SNX16: variants seen among roughly 807,000 people sequenced by gnomAD.
SNX16 encodes sorting nexin 16.
A neutral mutation model predicts 36.7 loss-of-function variants in SNX16; 35 were observed. The observed-to-expected ratio is 0.95, with a 90% CI of 0.73 to 1.27. The LOEUF (loss-of-function observed/expected upper bound fraction) is 1.27, where lower values mean the gene tolerates loss of function less well. SNX16 is among the 50% of genes most tolerant of loss of function. The pLI is 0.00. For synonymous variants in SNX16, 134 were observed against 132.0 expected (o/e 1.02, Z -0.10); for missense variants, 367 against 393.6 (o/e 0.93, Z 0.57).
chr8:81,836,606 A>G (rs1323923935), intron 2 of SNX16, among the ~76,000 whole-genome samples: 1 of 152,162 alleles, frequency 6.6e-6, no homozygotes, highest in Non-Finnish European at 1.5e-5. Flanking sequence ...ATCATTAGGA[A>G]ATATTGCCGG....
intron 4 of SNX16, among the ~76,000 whole-genome samples, chr8:81,823,276 T>C (rs1452476117): frequency 6.6e-6 from 1 of 151,938 alleles, no homozygotes; most frequent in Non-Finnish European, 1.5e-5. Context: ...AGCAATTTTC[T>C]TGTAAATATA....
intron 5 of SNX16, chr8:81,807,811 A>G: frequency 1.3e-6 from 1 of 749,150 alleles, no homozygotes. Flanking sequence ...CAAACAGCTG[A>G]GGAAGCTTTT....
At chr8:81,826,512 C>A (rs180853653) in intron 3 of SNX16, among the ~76,000 whole-genome samples, 1 of 152,050 alleles carries the variant, frequency 6.6e-6, no homozygotes, top group Admixed American at 6.6e-5. Context: ...GAAAAAAACT[C>A]ACTTCTCATG....
chr8:81,806,714 G>C (rs1809966827), intron 5 of SNX16, among the ~76,000 whole-genome samples: 1 of 151,838 alleles, frequency 6.6e-6, no homozygotes, highest in African/African-American at 2.4e-5. Flanking sequence ...AAGATATTAC[G>C]TATTAGGAAA....
chr8:81,809,180 C>T (rs767863736), intron 5 of SNX16, among the ~76,000 whole-genome samples: 1 of 152,124 alleles, frequency 6.6e-6, no homozygotes, highest in Non-Finnish European at 1.5e-5. Context: ...AATTTACATA[C>T]AACCTGCTTG....
chr8:81,804,638 AAAAT>A (rs1263496753), intron 5 of SNX16, among the ~76,000 whole-genome samples: 1 of 152,058 alleles, frequency 6.6e-6, no homozygotes, highest in African/African-American at 2.4e-5. Context: ...TACCATATAT[AAAAT>A]AAACTCAAAA....
Position 81,828,029 on chromosome 8 carries a change from G to A in SNX16, c.462+1401C>T, listed in dbSNP as rs550624008. On this transcript the variant is annotated intron_variant, in intron 3 of 7. Coordinates refer to ENST00000345957, the MANE Select transcript of SNX16 (RefSeq NM_152836.3). Reference sequence around the variant, plus strand: ...CCATCTAAATTTCCTCTAGCTCTGGGGACAAGGCAGCTCTTCTTTTGCTAT... The same window carrying A: ...CCATCTAAATTTCCTCTAGCTCTGGAGACAAGGCAGCTCTTCTTTTGCTAT... Among the ~76,000 whole-genome samples, 19 of 152,054 alleles carry A rather than the reference G, an allele frequency of 1.2e-4. No individual in the cohort carries two copies. The East Asian group carries it at 3.3e-3, about 26-fold the overall frequency.
chr8:81,809,425 C>A, intron 5 of SNX16, among the ~76,000 whole-genome samples: 1 of 145,430 alleles, frequency 6.9e-6, no homozygotes, highest in South Asian at 2.3e-4. Context: ...AATCAATAAA[C>A]AATTTAATTC....
At chr8:81,828,247 A>G (rs1170051456) in intron 3 of SNX16, among the ~76,000 whole-genome samples, 1 of 152,152 alleles carries the variant, frequency 6.6e-6, no homozygotes, top group Non-Finnish European at 1.5e-5. Context: ...AAATGTGATT[A>G]TTATGTTAAA....
rs1810071573 is a variant in SNX16 at position 81,808,463 on chromosome 8, C to CT, written c.682-5236dup. 1.1e-5 allele frequency: 11 copies of CT among 1,033,762 alleles called. 1 individual carries two copies. In the East Asian group the frequency reaches 2.6e-4, roughly 24 times the overall value. The allele number at this position is 1,033,762 out of a possible 1,614,324, so 64.0% of individuals were successfully genotyped here. A position where few individuals can be genotyped will look rare whatever the true frequency, so the allele number is the denominator to read the frequency against. ...GGGGTCATGGTGGCTTTGCTGACAG[C>CT]TGTGGTGGTGGGGGATATGGTGGCA... On this transcript the variant is annotated intron_variant, in intron 5 of 7. Transcript: ENST00000345957.
intron 2 of SNX16, among the ~76,000 whole-genome samples, chr8:81,829,719 T>C (rs1036117086): frequency 1.3e-5 from 2 of 152,076 alleles, no homozygotes; most frequent in Non-Finnish European, 2.9e-5. Flanking sequence ...CCTTAGGAAA[T>C]ATAACAGATT....
chr8:81,817,901 T>C (rs1395893637), intron 4 of SNX16, among the ~76,000 whole-genome samples: 1 of 152,162 alleles, frequency 6.6e-6, no homozygotes, highest in Admixed American at 6.5e-5. Context: ...CCTTTTATTA[T>C]CTGGAATACA....
At chr8:81,807,893 C>T (rs1364183547) in intron 5 of SNX16, 16 of 766,400 alleles carry the variant, frequency 2.1e-5, no homozygotes, top group South Asian at 4.0e-5. Context: ...GGAACCCTCA[C>T]GAACTGTGCG....
chr8:81,801,451 T>A lies in SNX16; in HGVS notation c.*46A>T, dbSNP rs1190447384. ...CTTTTAAAATAGTATTTGCCACTCT[T>A]CTAAATTTTTGAATAGTCTAAATGG... On this transcript the variant is annotated 3_prime_UTR_variant, in exon 8 of 8. Transcript: ENST00000345957. The A allele has an allele frequency of 2.6e-6, 3 of 1,146,778 alleles. No individual in the cohort carries two copies. Among genetic ancestry groups the A allele is most frequent in the Non-Finnish European group, 3.8e-6 (3 of 798,704 alleles). 71.0% of individuals were successfully genotyped at this position (1,146,778 alleles called of 1,614,324 possible).
rs773474174 is a variant in SNX16, at chr8:81,815,310, T to C, written c.681+15A>G. 1.2e-6 allele frequency: 2 copies of C among 1,602,106 alleles called. No individual in the cohort carries two copies. The highest frequency in any genetic ancestry group is 1.7e-6 in the Non-Finnish European group (2 of 1,170,886). On this transcript the variant is annotated intron_variant, in intron 5 of 7. Coordinates refer to ENST00000345957, the MANE Select transcript of SNX16 (RefSeq NM_152836.3). ...ATTGTTCCTCTTTTCATGTGCTATA[T>C]AATACAGCACTTACCCTGCTTTCTT...
intron 4 of SNX16, among the ~76,000 whole-genome samples, chr8:81,822,947 CATAT>C (rs949455303): frequency 1.5e-3 from 81 of 52,308 alleles, no homozygotes; most frequent in East Asian, 2.7e-3. Context: ...TATACATATA[CATAT>C]ATATATATAT....
chr8:81,808,972 C>T (rs1214284763), intron 5 of SNX16, among the ~76,000 whole-genome samples: 2 of 151,076 alleles, frequency 1.3e-5, no homozygotes, highest in African/African-American at 2.4e-5. Flanking sequence ...AGCATTCCAA[C>T]GAAGGGTTTT....
chr8:81,832,109 A>G (rs1811297669), intron 2 of SNX16, among the ~76,000 whole-genome samples: 1 of 152,238 alleles, frequency 6.6e-6, no homozygotes, highest in Non-Finnish European at 1.5e-5. Context: ...AGACATATAC[A>G]CTTACATGTT....
chr8:81,818,740 G>C lies in SNX16; in HGVS notation c.612-3346C>G, dbSNP rs190044014. On this transcript the variant is annotated intron_variant, in intron 4 of 7. Transcript: ENST00000345957. Reference sequence around the variant, plus strand: ...CAAAATGAGGTTATTAGACCAGCCAGTATCAGCATCACCTAGAAACCTGTT... The same window carrying C: ...CAAAATGAGGTTATTAGACCAGCCACTATCAGCATCACCTAGAAACCTGTT... Among the ~76,000 whole-genome samples, 5 of 152,144 alleles carry C rather than the reference G, an allele frequency of 3.3e-5. No homozygotes were observed. In the East Asian group the frequency reaches 7.7e-4, roughly 24 times the overall value.
Sources: gnomAD v4.1 joint callset for allele counts (sites outside exome capture counted in the v4.1 genomes callset) on GRCh38, gnomAD v4.1.1 for gene constraint, MANE v1.5 for transcripts, NCBI Gene and HGNC (gene_info 2026-07-23, HGNC 2026-07-21) for gene names.